The following DNAH11 variants were observed in gnomAD, a reference collection of about 807,000 sequenced individuals.
DNAH11 encodes dynein axonemal heavy chain 11.
A neutral mutation model predicts 526.0 loss-of-function variants in DNAH11; 442 were observed. That is an observed-to-expected ratio of 0.84 (90% CI 0.78 to 0.91). DNAH11 has a LOEUF of 0.91. Ranked by LOEUF, DNAH11 falls within the 40% of genes least tolerant of loss-of-function variation. The pLI is 0.00. For missense variants in DNAH11, 6,989 were observed against 5,448.7 expected, an observed-to-expected ratio of 1.28 and a Z score of -8.90; for synonymous variants, 2,461 against 1,935.9, an observed-to-expected ratio of 1.27 and a Z score of -7.12.
rs139427735 is a variant in DNAH11 at position 21,835,125 on chromosome 7, T to G, written c.10692-7419T>G. On this transcript the variant is annotated intron_variant, in intron 65 of 81. Transcript: ENST00000409508. ...ATGAGGTTGAATCAATAGTCAAAAG[T>G]GTCCCATCAAAGAAGAGCCCTAGGA... Among the ~76,000 whole-genome samples, 1,010 of 151,722 alleles carry G rather than the reference T, an allele frequency of 6.7e-3. 18 individuals carry two copies. Among genetic ancestry groups the G allele is most frequent in the African/African-American group, 0.023 (959 of 41,340 alleles).
chr7:21,751,122 A>C (rs978910953), intron 54 of DNAH11, among the ~76,000 whole-genome samples: 8 of 152,106 alleles, frequency 5.3e-5, no homozygotes, highest in Admixed American at 2.6e-4. Context: ...TCAGGAGTTC[A>C]AGACCAACCT....
intron 28 of DNAH11, among the ~76,000 whole-genome samples, chr7:21,655,348 G>T (rs1781968547): frequency 6.6e-6 from 1 of 152,008 alleles, no homozygotes; most frequent in Non-Finnish European, 1.5e-5. Context: ...GGATACTGTG[G>T]GGCTCACCAA....
rs149483118 is a variant in DNAH11 at position 21,578,158 on chromosome 7, T to G, written c.1594-3747T>G. Among the ~76,000 whole-genome samples the G allele has an allele frequency of 6.0e-3, 908 of 152,242 alleles. 7 individuals carry two copies. The highest frequency in any genetic ancestry group is 0.02 in the African/African-American group (848 of 41,558). ...CATCAGATCTCATGAAAACTCACTG[T>G]CATGAGAACAACAAAGAGTAAATTC... is the stretch of plus-strand genomic sequence containing the variant. On this transcript the variant is annotated intron_variant, in intron 8 of 81. Coordinates refer to ENST00000409508, the MANE Select transcript of DNAH11 (RefSeq NM_001277115.2).
At chr7:21,775,833 C>G (rs116202534) in intron 56 of DNAH11, among the ~76,000 whole-genome samples, 487 of 152,254 alleles carry the variant, frequency 3.2e-3, no homozygotes, top group African/African-American at 0.011. Context: ...GCATTTATAT[C>G]CCTTTGAATG....
At chr7:21,867,273 A>G (rs1783317069) in intron 71 of DNAH11, among the ~76,000 whole-genome samples, 1 of 152,188 alleles carries the variant, frequency 6.6e-6, no homozygotes, top group Admixed American at 6.5e-5. Context: ...GTGTTTCTTC[A>G]GTAATATTCA....
chr7:21,628,468 G>T (rs796707591), intron 25 of DNAH11, among the ~76,000 whole-genome samples: 2 of 152,028 alleles, frequency 1.3e-5, no homozygotes, highest in Non-Finnish European at 2.9e-5. Context: ...TGTTCCTTCT[G>T]TGCCAATTTT....
intron 35 of DNAH11, among the ~76,000 whole-genome samples, chr7:21,694,444 G>A (rs1210222088): frequency 2.6e-5 from 4 of 152,116 alleles, no homozygotes; most frequent in African/African-American, 9.7e-5. Flanking sequence ...GTGAGAACAT[G>A]TGGTGTTTAG....
At chr7:21,618,922 C>T (rs889449230) in intron 23 of DNAH11, among the ~76,000 whole-genome samples, 178 bp from the exon 24 acceptor site, 3 of 152,134 alleles carry the variant, frequency 2.0e-5, no homozygotes, top group Non-Finnish European at 4.4e-5. Context: ...CAGGTGACGC[C>T]TCAGGAATTG....
chr7:21,705,452 CTCTGCAGGTTGTCCAG>C lies in DNAH11; in HGVS notation c.6469-7_6477del. The C allele has an allele frequency of 6.2e-7, 1 of 1,613,518 alleles. No homozygotes were observed. The highest frequency in any genetic ancestry group is 8.5e-7 in the Non-Finnish European group (1 of 1,179,598). On this transcript the variant is annotated splice_acceptor_variant and splice_polypyrimidine_tract_variant and coding_sequence_variant and intron_variant, in exon 39 of 82. Coordinates refer to ENST00000409508, the MANE Select transcript of DNAH11 (RefSeq NM_001277115.2). LOFTEE classifies it high-confidence loss of function. ...AAGGAAACCAGCAACCAGCTGTTTG[CTCTGCAGGTTGTCCAG>C]CTTGAGGAACTGTTGGCTGTGCGGC... is the stretch of plus-strand genomic sequence containing the variant.
At position 21,901,216 on chromosome 7, in the gene DNAH11, T is replaced by G; in HGVS notation, c.13513T>G (p.Trp4505Gly). ...GAAGAGCGAAGAGAAGACTGCAAAA[T>G]GGGTTCTGGCTGGAGTGGCTCTGCT... is the stretch of plus-strand genomic sequence containing the variant. ...RLKSEEKTAK[W>G]VLAGVALLLE... Residue 4505 changes from tryptophan to glycine, a missense_variant, in exon 82 of 82, where the codon TGG becomes GGG. Physicochemically the swap from Trp to Gly is radical, Grantham distance 184. Transcript: ENST00000409508. The G allele has an allele frequency of 6.2e-7, 1 of 1,612,324 alleles. No homozygotes were observed. The highest frequency in any genetic ancestry group is 8.5e-7 in the Non-Finnish European group (1 of 1,179,208).
At chr7:21,881,846 G>A (rs1289630030) in intron 75 of DNAH11, among the ~76,000 whole-genome samples, 5 of 152,072 alleles carry the variant, frequency 3.3e-5, no homozygotes, top group African/African-American at 1.2e-4. Flanking sequence ...TTTTCCCAAG[G>A]AACAAATTTT....
intron 31 of DNAH11, among the ~76,000 whole-genome samples, chr7:21,683,449 A>G (rs1783225568): frequency 6.6e-6 from 1 of 152,234 alleles, no homozygotes; most frequent in Non-Finnish European, 1.5e-5. Flanking sequence ...ATTTAAATAT[A>G]GACAGTATAT....
Position 21,750,280 on chromosome 7 carries a change from T to C in DNAH11, c.8856T>C (p.His2952=), listed in dbSNP as rs1225958664. 1 of 1,604,900 alleles carries C rather than the reference T, an allele frequency of 6.2e-7. No individual in the cohort carries two copies. Among genetic ancestry groups the C allele is most frequent in the Non-Finnish European group, 8.5e-7 (1 of 1,175,386 alleles). The change falls in exon 54 of 82, where the codon CAT becomes CAC. Residue 2952 remains histidine (H), a synonymous_variant. Transcript: ENST00000409508. ...EDVDKIISGI[H]NEVHALGMVD... ...TGGACAAGATAATTTCTGGAATTCATAATGAAGTTCATGCTCTGGGCATGG... is the reference window on the plus strand; with the variant it reads ...TGGACAAGATAATTTCTGGAATTCACAATGAAGTTCATGCTCTGGGCATGG...
At chr7:21,559,339 G>A (rs533662421) in intron 3 of DNAH11, among the ~76,000 whole-genome samples, 40 of 152,266 alleles carry the variant, frequency 2.6e-4, no homozygotes, top group African/African-American at 9.6e-4. Context: ...GCAAACTGTA[G>A]TAATTGCCAT....
rs532711365 is a variant in DNAH11 at position 21,568,351 on chromosome 7, G to T, written c.1195-1718G>T. On this transcript the variant is annotated intron_variant, in intron 6 of 81. Transcript: ENST00000409508. ...ACTGGGTACTGTGAGAGGTAGAAAA[G>T]AATTTAGAGTTTATGAGCTAAAAGG... Among the ~76,000 whole-genome samples, 21 of 152,226 alleles carry T rather than the reference G, an allele frequency of 1.4e-4. No individual in the cohort carries two copies. In the South Asian group the frequency reaches 1.9e-3, roughly 14 times the overall value.
intron 65 of DNAH11, 97 bp from the exon 66 acceptor site, chr7:21,842,447 C>T: frequency 9.4e-7 from 1 of 1,060,364 alleles, no homozygotes. Context: ...GAGCTTCTGG[C>T]CAAGGTCCAT....
At chr7:21,772,834 G>A (rs1271926190) in intron 55 of DNAH11, among the ~76,000 whole-genome samples, 5 of 152,088 alleles carry the variant, frequency 3.3e-5, no homozygotes, top group African/African-American at 1.2e-4. Flanking sequence ...ACCAAGAATT[G>A]GCTGGTCTCT....
intron 74 of DNAH11, among the ~76,000 whole-genome samples, chr7:21,876,086 G>T (rs569756903): frequency 6.6e-6 from 1 of 151,936 alleles, no homozygotes; most frequent in Non-Finnish European, 1.5e-5. Context: ...GGGTTTCACC[G>T]TGTTAGCCAG....
intron 76 of DNAH11, among the ~76,000 whole-genome samples, chr7:21,888,529 G>T (rs532357559): frequency 6.6e-6 from 1 of 151,670 alleles, no homozygotes. Context: ...TTGTTCTGTC[G>T]CCCAGGCTGG....
Sources: allele counts gnomAD v4.1 joint callset (sites outside exome capture counted in the v4.1 genomes callset), GRCh38; gene constraint gnomAD v4.1.1; transcripts MANE v1.5; gene names NCBI Gene and HGNC (gene_info 2026-07-23, HGNC 2026-07-21).